Variants in STAU2 observed in about 807,000 individuals in gnomAD.
STAU2 encodes the protein double-stranded RNA-binding protein Staufen homolog 2.
A neutral mutation model predicts 65.9 loss-of-function variants in STAU2; 20 were observed. The observed-to-expected ratio is 0.30, with a 90% CI of 0.21 to 0.44. The LOEUF (loss-of-function observed/expected upper bound fraction) is 0.44, where lower values mean the gene tolerates loss of function less well. Among genes scored for constraint, STAU2 ranks in the 20% least tolerant of loss-of-function variants. The pLI, the probability that STAU2 is intolerant of heterozygous loss-of-function variation, is 1.00. For missense variants in STAU2, 558 were observed against 683.9 expected (o/e 0.82, Z 2.05); for synonymous variants, 232 against 233.9 (o/e 0.99, Z 0.07).
intron 13 of STAU2, among the ~76,000 whole-genome samples, chr8:73,428,861 A>C (rs972455432): frequency 3.3e-5 from 5 of 152,254 alleles, no homozygotes; most frequent in African/African-American, 1.2e-4. Flanking sequence ...TCAGCGTTTT[A>C]GCTCTTGCAA....
At chr8:73,615,543 CATA>C in intron 8 of STAU2, 129 bp downstream of exon 8, 1 of 625,582 alleles carries the variant, frequency 1.6e-6, no homozygotes, top group South Asian at 2.1e-5. Flanking sequence ...TAGATCATTT[CATA>C]ATACTGGGTT....
intron 3 of STAU2, among the ~76,000 whole-genome samples, chr8:73,716,091 C>G (rs1285077125): frequency 8.0e-6 from 1 of 125,308 alleles, no homozygotes. Flanking sequence ...ATTTTTTTTT[C>G]TTTTTTTTTT....
intron 13 of STAU2, among the ~76,000 whole-genome samples, chr8:73,446,171 A>G (rs1818455237): frequency 6.6e-6 from 1 of 152,244 alleles, no homozygotes; most frequent in Non-Finnish European, 1.5e-5. Flanking sequence ...AAGCTGAGTG[A>G]ACAAAAGTCC....
At chr8:73,534,544 AAATT>A (rs1806058382) in intron 13 of STAU2, among the ~76,000 whole-genome samples, 2 of 152,354 alleles carry the variant, frequency 1.3e-5, no homozygotes, top group African/African-American at 4.8e-5. Flanking sequence ...TAAGTAAACA[AAATT>A]AATTTAGGCA....
At chr8:73,605,870 C>T (rs555236585) in intron 9 of STAU2, among the ~76,000 whole-genome samples, 395 of 28,144 alleles carry the variant, frequency 0.014, no homozygotes, top group Admixed American at 0.02. Context: ...CACACACACA[C>T]ACACACATAC....
intron 13 of STAU2, among the ~76,000 whole-genome samples, chr8:73,489,403 G>C (rs1223419536): frequency 6.6e-6 from 1 of 151,820 alleles, no homozygotes; most frequent in African/African-American, 2.4e-5. Flanking sequence ...AAATAGTTAA[G>C]TACAACTGAT....
intron 13 of STAU2, among the ~76,000 whole-genome samples, chr8:73,488,557 G>A (rs1821024926): frequency 6.6e-6 from 1 of 151,936 alleles, no homozygotes; most frequent in Non-Finnish European, 1.5e-5. Context: ...GGCAATTAAA[G>A]ATCAGTCTTT....
chr8:73,553,821 A>G (rs1414879010), intron 12 of STAU2, among the ~76,000 whole-genome samples: 1 of 150,464 alleles, frequency 6.6e-6, no homozygotes, highest in African/African-American at 2.5e-5. Flanking sequence ...TGAAATTCTC[A>G]CTTTTTTTCA....
intron 3 of STAU2, among the ~76,000 whole-genome samples, chr8:73,730,326 C>T (rs1388904985): frequency 2.0e-5 from 3 of 152,160 alleles, no homozygotes; most frequent in Non-Finnish European, 4.4e-5. Flanking sequence ...CTTCATTCCA[C>T]TGTGACTGGA....
chr8:73,436,228 A>G (rs1376779137), intron 13 of STAU2, among the ~76,000 whole-genome samples: 4 of 151,708 alleles, frequency 2.6e-5, no homozygotes, highest in African/African-American at 4.9e-5. Flanking sequence ...AATTCTGAAT[A>G]TTGGTTTTAT....
At chr8:73,639,539 A>C (rs75874584) in intron 6 of STAU2, among the ~76,000 whole-genome samples, 9,021 of 152,202 alleles carry the variant, frequency 0.059, 356 homozygotes, top group Middle Eastern at 0.17. Context: ...AATGAGCCGT[A>C]CTTGGTACCC....
chr8:73,522,979 C>T (rs1407669714), intron 13 of STAU2, among the ~76,000 whole-genome samples: 2 of 151,928 alleles, frequency 1.3e-5, no homozygotes, highest in African/African-American at 4.8e-5. Flanking sequence ...GCACAGATCA[C>T]GAGGTCAGGA....
intron 12 of STAU2, among the ~76,000 whole-genome samples, chr8:73,556,954 A>G (rs1396299204): frequency 6.6e-6 from 1 of 152,194 alleles, no homozygotes; most frequent in Non-Finnish European, 1.5e-5. Context: ...AAAATTGCCA[A>G]TTTGACAAAT....
chr8:73,439,977 C>T (rs1349669626), intron 13 of STAU2: 1 of 152,232 alleles, frequency 6.6e-6, no homozygotes, highest in Non-Finnish European at 1.5e-5. Flanking sequence ...ATCAAGAGCC[C>T]GACCATGTCC....
chr8:73,669,141 G>A (rs922888105), intron 6 of STAU2: 1 of 701,040 alleles, frequency 1.4e-6, no homozygotes, highest in African/African-American at 1.7e-5. Flanking sequence ...GAGAAATCAT[G>A]GTTGTAACAG....
chr8:73,569,228 G>C (rs1808852709), intron 12 of STAU2, among the ~76,000 whole-genome samples: 1 of 152,078 alleles, frequency 6.6e-6, no homozygotes, highest in Non-Finnish European at 1.5e-5. Flanking sequence ...AGCAGTCTGA[G>C]ATCAGACTGC....
intron 3 of STAU2, 103 bp downstream of exon 3, chr8:73,738,181 G>A (rs943563054): frequency 9.8e-7 from 1 of 1,020,202 alleles, no homozygotes; most frequent in African/African-American, 1.6e-5. Flanking sequence ...AAAAAGTGAT[G>A]AGTCAGGTTA....
At chr8:73,588,500 T>G (rs1810537536) in intron 11 of STAU2, among the ~76,000 whole-genome samples, 1 of 152,218 alleles carries the variant, frequency 6.6e-6, no homozygotes, top group Admixed American at 6.5e-5. Flanking sequence ...ATGCAGCTGG[T>G]TAATGGCTGC....
rs546042681 is a variant in STAU2 at position 73,591,243 on chromosome 8, T to C, written c.1161+3923A>G. 3.1e-4 allele frequency among the ~76,000 whole-genome samples: 47 copies of C among 151,824 alleles called. No individual in the cohort carries two copies. The South Asian group carries it at 9.1e-3, about 30-fold the overall frequency. On this transcript the variant is annotated intron_variant, in intron 11 of 14. Transcript: ENST00000524300. The stretch of plus-strand genomic sequence containing the variant: ...AGAAAACTAAAATGTATAGCCACAA[T>C]AGGAGGTCAGAGAAACTTAGAGAAG...
Sources: gnomAD v4.1 joint callset for allele counts (sites outside exome capture counted in the v4.1 genomes callset) on GRCh38, gnomAD v4.1.1 for gene constraint, MANE v1.5 for transcripts, NCBI Gene and HGNC (gene_info 2026-07-23, HGNC 2026-07-21) for gene names.